NELL1: variants seen among roughly 807,000 people sequenced by gnomAD.
NELL1 encodes protein kinase C-binding protein NELL1.
A neutral mutation model predicts 107.4 loss-of-function variants in NELL1; 76 were observed. The observed-to-expected ratio is 0.71, with a 90% CI of 0.59 to 0.86. The LOEUF is 0.86. Ranked by LOEUF, NELL1 falls within the 40% of genes least tolerant of loss-of-function variation. The pLI is 0.00. For synonymous variants in NELL1, 353 were observed against 341.2 expected, an observed-to-expected ratio of 1.03 and a Z score of -0.38; for missense variants, 1,024 against 1,005.5, an observed-to-expected ratio of 1.02 and a Z score of -0.25.
At chr11:21,351,038 A>G (rs1850800360) in intron 14 of NELL1, among the ~76,000 whole-genome samples, 1 of 152,122 alleles carries the variant, frequency 6.6e-6, no homozygotes, top group Non-Finnish European at 1.5e-5. Context: ...GGATTGGTAT[A>G]AATGATATCA....
At chr11:21,491,720 T>C (rs1487370183) in intron 15 of NELL1, among the ~76,000 whole-genome samples, 2 of 152,124 alleles carry the variant, frequency 1.3e-5, no homozygotes, top group Admixed American at 6.6e-5. Context: ...AGTAGTTTTT[T>C]CCAATTCTCT....
At chr11:21,232,147 TAAAA>T (rs869244876) in intron 14 of NELL1, among the ~76,000 whole-genome samples, 22 of 90,520 alleles carry the variant, frequency 2.4e-4, no homozygotes, top group African/African-American at 8.3e-4. Flanking sequence ...TAAAAAAAAA[TAAAA>T]AAAAAAAAAT....
chr11:20,891,536 C>T (rs566295841), intron 5 of NELL1, among the ~76,000 whole-genome samples: 1 of 152,196 alleles, frequency 6.6e-6, no homozygotes, highest in East Asian at 1.9e-4. Context: ...TGTAAATGGG[C>T]TAAGTGCCCC....
chr11:21,258,256 G>A (rs577392639), intron 14 of NELL1, among the ~76,000 whole-genome samples: 311 of 152,068 alleles, frequency 2.0e-3, no homozygotes, highest in Admixed American at 4.1e-3. Context: ...AAGAAAAGCT[G>A]TTTCTTGATA....
intron 13 of NELL1, among the ~76,000 whole-genome samples, chr11:21,203,895 C>G (rs1416698676): frequency 1.3e-5 from 2 of 152,124 alleles, no homozygotes; most frequent in African/African-American, 4.8e-5. Context: ...AGATGATCTT[C>G]TGGGTTGAAA....
At chr11:21,372,750 C>T (rs1565192867) in intron 15 of NELL1, among the ~76,000 whole-genome samples, 1 of 151,910 alleles carries the variant, frequency 6.6e-6, no homozygotes, top group Non-Finnish European at 1.5e-5. Context: ...ATAGCAACTA[C>T]TGTAACATTC....
chr11:21,475,953 A>T (rs889069531), intron 15 of NELL1, among the ~76,000 whole-genome samples: 4 of 152,108 alleles, frequency 2.6e-5, no homozygotes, highest in Non-Finnish European at 4.4e-5. Flanking sequence ...TAGTACTTCT[A>T]TTACTCAAGT....
At chr11:20,893,561 A>G (rs1223294932) in intron 5 of NELL1, among the ~76,000 whole-genome samples, 1 of 151,936 alleles carries the variant, frequency 6.6e-6, no homozygotes, top group Non-Finnish European at 1.5e-5. Flanking sequence ...AATTAAAACA[A>G]TATCAAAATA....
chr11:20,709,120 C>T (rs894455449), intron 2 of NELL1, among the ~76,000 whole-genome samples: 10 of 151,942 alleles, frequency 6.6e-5, no homozygotes, highest in African/African-American at 2.4e-4. Context: ...GTTGGGGACC[C>T]CTTGTCTCGA....
intron 5 of NELL1, among the ~76,000 whole-genome samples, chr11:20,912,693 A>T (rs1399964133): frequency 1.3e-5 from 2 of 152,042 alleles, no homozygotes; most frequent in Non-Finnish European, 1.5e-5. Flanking sequence ...CCTGGACATC[A>T]CTGTCTCCTC....
chr11:21,346,689 A>G (rs1421903039), intron 14 of NELL1, among the ~76,000 whole-genome samples: 1 of 148,750 alleles, frequency 6.7e-6, no homozygotes, highest in Non-Finnish European at 1.5e-5. Context: ...TATAATATAT[A>G]TGATATATAA....
intron 13 of NELL1, among the ~76,000 whole-genome samples, chr11:21,182,260 C>T (rs1357599505): frequency 1.3e-5 from 2 of 151,506 alleles, no homozygotes; most frequent in African/African-American, 4.9e-5. Context: ...ATAGCGAAAC[C>T]CCGTCTCTAC....
intron 5 of NELL1, among the ~76,000 whole-genome samples, chr11:20,917,833 TA>T (rs1189237651): frequency 6.6e-6 from 1 of 151,968 alleles, no homozygotes; most frequent in Non-Finnish European, 1.5e-5. Context: ...CTTCCCACTT[TA>T]AAAAAATCCT....
chr11:21,286,653 T>G (rs7127622), intron 14 of NELL1, among the ~76,000 whole-genome samples: 53,887 of 152,056 alleles, frequency 0.35, 11,229 homozygotes, highest in Non-Finnish European at 0.48. Flanking sequence ...CAGTTAAAAT[T>G]TCTCTATCTG....
chr11:20,970,004 C>T (rs1382032779), intron 12 of NELL1, among the ~76,000 whole-genome samples: 1 of 148,788 alleles, frequency 6.7e-6, no homozygotes, highest in African/African-American at 2.5e-5. Flanking sequence ...CACTAGAACA[C>T]AGGTCTTTAG....
chr11:20,943,346 AG>A (rs1311199039), intron 10 of NELL1, among the ~76,000 whole-genome samples: 3 of 152,152 alleles, frequency 2.0e-5, no homozygotes, highest in Admixed American at 2.0e-4. Context: ...GCACTTTGGG[AG>A]GCTGAGGTGG....
rs1355469029 is a variant in NELL1, at chr11:20,669,610, C to T, written c.-114C>T. 1.8e-5 allele frequency: 16 copies of T among 884,210 alleles called. No individual in the cohort carries two copies. The highest frequency in any genetic ancestry group is 3.0e-5 in the South Asian group (2 of 65,650). 54.8% of individuals were successfully genotyped at this position (884,210 alleles called of 1,614,324 possible). A position where few individuals can be genotyped will look rare whatever the true frequency, so the allele number is the denominator to read the frequency against. On this transcript the variant is annotated 5_prime_UTR_variant, in exon 1 of 20. Transcript: ENST00000357134. This position sits in a 1 kb window ranked among gnomAD's most constrained non-coding sequence, Gnocchi z 4.4. Reference sequence around the variant, plus strand: ...CACCCGGCGCTGCCGAGCCACCTCCCCCGCCGCCCGCTAGCAAGTTTGGCG... The same window carrying T: ...CACCCGGCGCTGCCGAGCCACCTCCTCCGCCGCCCGCTAGCAAGTTTGGCG...
chr11:20,819,388 C>T (rs1389017449), intron 3 of NELL1, among the ~76,000 whole-genome samples: 1 of 152,136 alleles, frequency 6.6e-6, no homozygotes, highest in Non-Finnish European at 1.5e-5. Context: ...TGTACTTTGT[C>T]TTTCTGAGGT....
At chr11:20,742,568 A>G (rs1855914498) in intron 2 of NELL1, among the ~76,000 whole-genome samples, 1 of 152,182 alleles carries the variant, frequency 6.6e-6, no homozygotes, top group South Asian at 2.1e-4. Context: ...CCTCACAATC[A>G]TGGCAGAAGG....
Sources: gnomAD v4.1 joint callset for allele counts (sites outside exome capture counted in the v4.1 genomes callset) on GRCh38, gnomAD v4.1.1 for gene constraint, Gnocchi (gnomAD v3.1) non-coding constraint, MANE v1.5 for transcripts, NCBI Gene and HGNC (gene_info 2026-07-23, HGNC 2026-07-21) for gene names.